Variants in ROBO2 observed in about 807,000 individuals in gnomAD.
The protein encoded by ROBO2 is roundabout homolog 2.
In ROBO2, 53 loss-of-function variants were observed where a neutral mutation model predicts 160.8. The ratio of observed to expected loss-of-function variants is 0.33; its 90% confidence interval spans 0.26 to 0.41. The LOEUF (loss-of-function observed/expected upper bound fraction) is 0.41. Among genes scored for constraint, ROBO2 ranks in the 10% least tolerant of loss-of-function variants. The pLI, the probability that ROBO2 is intolerant of heterozygous loss-of-function variation, is 1.00. For synonymous variants in ROBO2, 664 were observed against 611.7 expected (o/e 1.09, Z -1.26); for missense variants, 1,577 against 1,722.4 (o/e 0.92, Z 1.49).
intron 2 of ROBO2, among the ~76,000 whole-genome samples, chr3:76,221,463 T>A (rs1233012871): frequency 1.3e-5 from 2 of 151,392 alleles, no homozygotes; most frequent in African/African-American, 4.9e-5. Context: ...GCCACTCTCA[T>A]TTTACAAGTA....
chr3:77,230,871 ATAAT>A lies in ROBO2; in HGVS notation c.388+132535_388+132538del, dbSNP rs970611402. ...ACTCTTTTGCGATCTTTTTATGAAA[ATAAT>A]TAACTTAGCCTTTAGCGTATCTAGA... On this transcript the variant is annotated intron_variant, in intron 2 of 25. Transcript: ENST00000461745. 1.4e-4 allele frequency among the ~76,000 whole-genome samples: 21 copies of A among 152,354 alleles called. No homozygotes were observed. The South Asian group carries it at 3.7e-3, about 27-fold the overall frequency.
chr3:77,493,806 T>C (rs1222521636), intron 5 of ROBO2, among the ~76,000 whole-genome samples: 1 of 152,162 alleles, frequency 6.6e-6, no homozygotes, highest in Non-Finnish European at 1.5e-5. Flanking sequence ...CTATTGCATG[T>C]GGCTGACTGT....
At chr3:76,380,947 G>A (rs529759758) in intron 2 of ROBO2, among the ~76,000 whole-genome samples, 54 of 151,578 alleles carry the variant, frequency 3.6e-4, no homozygotes, top group Admixed American at 6.6e-4. Flanking sequence ...TCTCCTGCAG[G>A]TCAGACAGAA....
At chr3:77,106,573 A>G (rs1046406255) in intron 2 of ROBO2, among the ~76,000 whole-genome samples, 1 of 152,036 alleles carries the variant, frequency 6.6e-6, no homozygotes, top group Admixed American at 6.6e-5. Context: ...ATGAGTCAGT[A>G]TATATGATAA....
rs1310117763 is a variant in ROBO2 at position 77,565,213 on chromosome 3, G to A, written c.1849+93G>A. The A allele has an allele frequency of 5.1e-6, 7 of 1,380,192 alleles. No homozygotes were observed. The Admixed American group carries it at 6.7e-5, about 13-fold the overall frequency. 85.5% of individuals were successfully genotyped at this position (1,380,192 alleles called of 1,614,324 possible). On this transcript the variant is annotated intron_variant, in intron 12 of 25. Transcript: ENST00000461745. ...TTGATGAGGAAATATACATGTGCCT[G>A]CATTGCTTTGTATGATGGCTCACTA...
At chr3:76,734,585 C>G (rs2093681501) in intron 2 of ROBO2, among the ~76,000 whole-genome samples, 1 of 152,146 alleles carries the variant, frequency 6.6e-6, no homozygotes. Flanking sequence ...GGCTCTTAAC[C>G]TGAGCCAGGG....
At chr3:75,910,088 C>T (rs138709581) in intron 1 of ROBO2, among the ~76,000 whole-genome samples, 8 of 152,242 alleles carry the variant, frequency 5.3e-5, no homozygotes, top group East Asian at 1.9e-4. Flanking sequence ...AAGTTTCCTC[C>T]GTAAATTTGC....
intron 1 of ROBO2, among the ~76,000 whole-genome samples, chr3:77,046,908 G>C (rs145250195): frequency 6.6e-6 from 1 of 152,248 alleles, no homozygotes; most frequent in African/African-American, 2.4e-5. Flanking sequence ...TGGTAGGGAA[G>C]GTACCAAATG....
rs775965769 is a variant in ROBO2 at position 77,360,737 on chromosome 3, C to A, written c.389-116677C>A. On this transcript the variant is annotated intron_variant, in intron 2 of 25. Transcript: ENST00000461745. Reference sequence around the variant, plus strand: ...ATGCATACAAAGTTTCAGGATTCCTCTCCTCTCTGACTTTTTAAGCAAATT... The same window carrying A: ...ATGCATACAAAGTTTCAGGATTCCTATCCTCTCTGACTTTTTAAGCAAATT... Among the ~76,000 whole-genome samples, 105 of 151,868 alleles carry A rather than the reference C, an allele frequency of 6.9e-4. 2 individuals are homozygous for A. Among genetic ancestry groups the A allele is most frequent in the Non-Finnish European group, 1.2e-3 (82 of 67,976 alleles).
chr3:77,154,928 C>T (rs75905620), intron 2 of ROBO2, among the ~76,000 whole-genome samples: 1,754 of 151,848 alleles, frequency 0.012, 31 homozygotes, highest in African/African-American at 0.04. Flanking sequence ...AGACTCAGTA[C>T]CTGAGTGATG....
intron 6 of ROBO2, among the ~76,000 whole-genome samples, chr3:77,533,811 A>G (rs2091916140): frequency 6.6e-6 from 1 of 152,132 alleles, no homozygotes; most frequent in East Asian, 1.9e-4. Context: ...GTAACCTAAT[A>G]TAATCATGAA....
In ROBO2 at chr3:76,389,070, A is replaced by G. The variant is rs1033703774; in HGVS notation, c.109+451468A>G. Reference sequence around the variant, plus strand: ...TTATTGCCCTGAAGTTAGAAAACACATTTGAAAAATGGAAGGACTTTTGCC... The same window carrying G: ...TTATTGCCCTGAAGTTAGAAAACACGTTTGAAAAATGGAAGGACTTTTGCC... On this transcript the variant is annotated intron_variant, in intron 2 of 26. Transcript: ENST00000487694. Among the ~76,000 whole-genome samples the G allele has an allele frequency of 3.3e-5, 5 of 152,350 alleles. No individual in the cohort carries two copies. In the South Asian group the frequency reaches 6.2e-4, roughly 19 times the overall value.
intron 14 of ROBO2, among the ~76,000 whole-genome samples, chr3:77,575,985 C>T (rs1002842996): frequency 4.6e-5 from 7 of 151,962 alleles, no homozygotes; most frequent in South Asian, 2.1e-4. Context: ...GAATGATGAG[C>T]GGCGATTTGG....
At chr3:75,923,117 T>C (rs1033861774) in intron 1 of ROBO2, among the ~76,000 whole-genome samples, 2 of 152,222 alleles carry the variant, frequency 1.3e-5, no homozygotes, top group Non-Finnish European at 2.9e-5. Context: ...GTAGTTCCTA[T>C]GGCCTTATCT....
At chr3:77,508,070 T>G (rs1483928892) in intron 5 of ROBO2, among the ~76,000 whole-genome samples, 2 of 151,812 alleles carry the variant, frequency 1.3e-5, no homozygotes, top group Non-Finnish European at 2.9e-5. Flanking sequence ...ATCTCTATAA[T>G]GCTTTGGATT....
intron 1 of ROBO2, among the ~76,000 whole-genome samples, chr3:75,926,148 G>A (rs1250454911): frequency 6.6e-6 from 1 of 152,142 alleles, no homozygotes; most frequent in Non-Finnish European, 1.5e-5. Context: ...AAGGCCCTAA[G>A]CAAGGAATCA....
intron 2 of ROBO2, among the ~76,000 whole-genome samples, chr3:76,866,875 C>T (rs2071425029): frequency 2.0e-5 from 3 of 152,124 alleles, no homozygotes. Context: ...CAACCACTAC[C>T]TCCCAGTCCC....
intron 2 of ROBO2, among the ~76,000 whole-genome samples, chr3:76,975,725 CCAGT>C (rs2059785150): frequency 6.6e-6 from 1 of 152,026 alleles, no homozygotes; most frequent in African/African-American, 2.4e-5. Flanking sequence ...TTAATTTTAA[CCAGT>C]CAATTTATGA....
chr3:76,651,627 G>A (rs1417827507), intron 2 of ROBO2, among the ~76,000 whole-genome samples: 1 of 149,952 alleles, frequency 6.7e-6, no homozygotes, highest in African/African-American at 2.5e-5. Flanking sequence ...AAAAAAAAAA[G>A]AATTGAAAAA....
Sources: gnomAD v4.1 joint callset for allele counts (sites outside exome capture counted in the v4.1 genomes callset) on GRCh38, gnomAD v4.1.1 for gene constraint, MANE v1.5 for transcripts, NCBI Gene and HGNC (gene_info 2026-07-23, HGNC 2026-07-21) for gene names.